TENM4: variants seen among roughly 807,000 people sequenced by gnomAD.
The protein encoded by TENM4 is teneurin-4.
Under a neutral mutation model 243.3 loss-of-function variants are expected in TENM4, and 82 were observed. That is an observed-to-expected ratio of 0.34 (90% CI 0.28 to 0.40). The LOEUF (loss-of-function observed/expected upper bound fraction) is 0.40. TENM4 is among the 10% of genes least tolerant of loss of function. The pLI, the probability that TENM4 is intolerant of heterozygous loss-of-function variation, is 1.00. For synonymous variants in TENM4, 1,412 were observed against 1,456.3 expected, an observed-to-expected ratio of 0.97 and a Z score of 0.69; for missense variants, 3,138 against 3,673.3, an observed-to-expected ratio of 0.85 and a Z score of 3.77.
At position 79,072,484 on chromosome 11, in the gene TENM4, C is replaced by CA. The variant is rs10550784; in HGVS notation, c.-65-2476dup. Among the ~76,000 whole-genome samples, 55 of 148,218 alleles carry CA rather than the reference C, an allele frequency of 3.7e-4. No homozygotes were observed. The South Asian group carries it at 5.4e-3, about 14-fold the overall frequency. ...GCTGGGCAAGAGTGAGACCCTGTCT[C>CA]AAAAAAAAAAAAAAAATTACAATAT... On this transcript the variant is annotated intron_variant, in intron 4 of 33. Coordinates refer to ENST00000278550, the MANE Select transcript of TENM4 (RefSeq NM_001098816.3).
At chr11:79,100,286 C>T (rs1861194609) in intron 4 of TENM4, among the ~76,000 whole-genome samples, 1 of 152,062 alleles carries the variant, frequency 6.6e-6, no homozygotes. Context: ...ACATCACTGA[C>T]ATCCAGTGGC....
At chr11:79,320,866 A>C (rs1856876739) in intron 1 of TENM4, among the ~76,000 whole-genome samples, 1 of 152,214 alleles carries the variant, frequency 6.6e-6, no homozygotes, top group Non-Finnish European at 1.5e-5. Context: ...ATTGAGGCTC[A>C]GAGAGGCTAT....
intron 3 of TENM4, among the ~76,000 whole-genome samples, chr11:79,208,140 C>T (rs763119152): frequency 2.6e-5 from 4 of 152,118 alleles, no homozygotes; most frequent in East Asian, 1.9e-4. Flanking sequence ...TCTCAGAGCA[C>T]GGGTCATCGG....
rs1352627008 is a variant in TENM4 at position 79,438,115 on chromosome 11, A to T, written c.-321+2394T>A. 6.6e-6 allele frequency among the ~76,000 whole-genome samples: 1 copy of T among 152,034 alleles called. No individual in the cohort carries two copies. Among genetic ancestry groups the T allele is most frequent in the East Asian group, 1.9e-4 (1 of 5,162 alleles). ...CAGGACGCTGGAATGTGGCAAAAAC[A>T]AAACACTCCCCACCCATGCACATCA... On this transcript the variant is annotated intron_variant, in intron 1 of 33. Coordinates refer to ENST00000278550, the MANE Select transcript of TENM4 (RefSeq NM_001098816.3). This position sits in a 1 kb window ranked among gnomAD's most constrained non-coding sequence, Gnocchi z 4.1.
rs1299408545 is a variant in TENM4, at chr11:79,313,396, C to A, written c.-320-15853G>T. Among the ~76,000 whole-genome samples, 4 of 152,150 alleles carry A rather than the reference C, an allele frequency of 2.6e-5. No homozygotes were observed. The East Asian group carries it at 7.7e-4, about 29-fold the overall frequency. On this transcript the variant is annotated intron_variant, in intron 1 of 33. Coordinates refer to ENST00000278550, the MANE Select transcript of TENM4 (RefSeq NM_001098816.3). Reference sequence around the variant, plus strand: ...CTCTCCTTTCCTGCCAAAATACATCCCATGTCATGTTCTCCAAAAGGATAA... The same window carrying A: ...CTCTCCTTTCCTGCCAAAATACATCACATGTCATGTTCTCCAAAAGGATAA...
intron 2 of TENM4, among the ~76,000 whole-genome samples, chr11:79,290,152 T>C (rs1345470791): frequency 6.6e-6 from 1 of 152,182 alleles, no homozygotes; most frequent in African/African-American, 2.4e-5. Context: ...GGGTTGGCTC[T>C]ATTCCTCTCA....
chr11:78,889,575 A>G (rs1855616525), intron 9 of TENM4, among the ~76,000 whole-genome samples: 1 of 152,194 alleles, frequency 6.6e-6, no homozygotes, highest in African/African-American at 2.4e-5. Flanking sequence ...ATATAAGTGC[A>G]GAGGGATGGA....
intron 1 of TENM4, among the ~76,000 whole-genome samples, chr11:79,303,976 G>A (rs976255413): frequency 1.3e-5 from 2 of 152,134 alleles, no homozygotes; most frequent in Non-Finnish European, 2.9e-5. Context: ...GCCCAGTTGT[G>A]TGTGTTGGGC....
chr11:79,177,384 T>C (rs958206791), intron 3 of TENM4, among the ~76,000 whole-genome samples: 5 of 152,132 alleles, frequency 3.3e-5, no homozygotes, highest in African/African-American at 1.2e-4. Flanking sequence ...TTTCTTTTTT[T>C]TTCTTTTCTT....
At chr11:79,204,141 G>A (rs1322738376) in intron 3 of TENM4, among the ~76,000 whole-genome samples, 2 of 152,290 alleles carry the variant, frequency 1.3e-5, no homozygotes, top group East Asian at 3.9e-4. Context: ...TGGGGTGACT[G>A]TTAATGGGTA....
intron 6 of TENM4, among the ~76,000 whole-genome samples, chr11:78,961,947 C>A (rs1857334126): frequency 6.6e-6 from 1 of 152,158 alleles, no homozygotes; most frequent in Non-Finnish European, 1.5e-5. Context: ...AGCCCTCCAA[C>A]TCTTGCACAC....
intron 33 of TENM4, among the ~76,000 whole-genome samples, chr11:78,661,093 C>T (rs1371513909): frequency 6.6e-6 from 1 of 152,162 alleles, no homozygotes; most frequent in African/African-American, 2.4e-5. Context: ...TCACATAAGG[C>T]CAGGTGCATT....
chr11:79,374,193 C>T (rs1359602374), intron 1 of TENM4, among the ~76,000 whole-genome samples: 2 of 152,148 alleles, frequency 1.3e-5, no homozygotes, highest in Non-Finnish European at 2.9e-5. Context: ...TCTTCCCATG[C>T]TATGACCACA....
At chr11:78,968,907 A>G (rs2136565047) in intron 6 of TENM4, among the ~76,000 whole-genome samples, 1 of 152,342 alleles carries the variant, frequency 6.6e-6, no homozygotes, top group Non-Finnish European at 1.5e-5. Context: ...GCTAAAGCAG[A>G]AAGACCATGA....
chr11:79,141,500 A>G (rs1277148026), intron 4 of TENM4, among the ~76,000 whole-genome samples: 1 of 152,084 alleles, frequency 6.6e-6, no homozygotes, highest in Non-Finnish European at 1.5e-5. Context: ...CCATAATAAA[A>G]AGTCTCTCAG....
intron 9 of TENM4, among the ~76,000 whole-genome samples, chr11:78,873,431 T>C (rs1180149052): frequency 9.2e-5 from 14 of 152,212 alleles, no homozygotes; most frequent in Non-Finnish European, 2.1e-4. Flanking sequence ...AGTATTGTTA[T>C]TACTCTCATT....
At chr11:79,080,984 A>T (rs1415343392) in intron 4 of TENM4, among the ~76,000 whole-genome samples, 2 of 152,174 alleles carry the variant, frequency 1.3e-5, no homozygotes, top group African/African-American at 4.8e-5. Context: ...TTAACCTGTA[A>T]TTACCTGGGT....
In TENM4 at chr11:78,831,295, C is replaced by T. The variant is rs569744526; in HGVS notation, c.1682-16900G>A. On this transcript the variant is annotated intron_variant, in intron 12 of 33. Coordinates refer to ENST00000278550, the MANE Select transcript of TENM4 (RefSeq NM_001098816.3). ...CATGTCTGCCTGCTGTACTGTAACA[C>T]GAGCTTGGAGGACCAAGGTGGGACC... Among the ~76,000 whole-genome samples, 14 of 152,344 alleles carry T rather than the reference C, an allele frequency of 9.2e-5. No homozygotes were observed. The South Asian group carries it at 2.7e-3, about 29-fold the overall frequency.
intron 6 of TENM4, among the ~76,000 whole-genome samples, chr11:78,979,708 A>G (rs1189768449): frequency 2.0e-5 from 3 of 152,038 alleles, no homozygotes; most frequent in African/African-American, 7.2e-5. Context: ...GTAAGTTGGG[A>G]GCAGAGATAG....
Sources: gnomAD v4.1 joint callset for allele counts (sites outside exome capture counted in the v4.1 genomes callset) on GRCh38, gnomAD v4.1.1 for gene constraint, Gnocchi (gnomAD v3.1) non-coding constraint, MANE v1.5 for transcripts, NCBI Gene and HGNC (gene_info 2026-07-23, HGNC 2026-07-21) for gene names.